The following KCNH1 variants were observed in gnomAD, a reference collection of about 807,000 sequenced individuals.
KCNH1 encodes the protein potassium voltage-gated channel subfamily H member 1, also known as voltage-gated delayed rectifier potassium channel KCNH1.
A neutral mutation model predicts 69.2 loss-of-function variants in KCNH1; 27 were observed. That is an observed-to-expected ratio of 0.39 (90% confidence interval 0.29 to 0.54). The LOEUF (loss-of-function observed/expected upper bound fraction) is 0.54, where lower values mean the gene tolerates loss of function less well. KCNH1 is among the 20% of genes least tolerant of loss of function. The probability of loss-of-function intolerance (pLI) is 0.68; values close to 1 mark genes in which losing one functional copy is unlikely to be tolerated. For synonymous variants in KCNH1, 456 were observed against 487.7 expected (o/e 0.93, Z 0.86); for missense variants, 798 against 1,261.6 (o/e 0.63, Z 5.57).
At chr1:210,862,192 T>C (rs1558501652) in intron 7 of KCNH1, 4 of 1,289,916 alleles carry the variant, frequency 3.1e-6, no homozygotes, top group East Asian at 2.3e-5. Context: ...ATTCAGAGAT[T>C]TGTGTGCTTC....
intron 10 of KCNH1, among the ~76,000 whole-genome samples, chr1:210,734,161 T>C (rs2149032947): frequency 6.6e-6 from 1 of 152,296 alleles, no homozygotes; most frequent in East Asian, 1.9e-4. Context: ...TACATTGAAT[T>C]CCAAATGATT....
intron 7 of KCNH1, among the ~76,000 whole-genome samples, chr1:210,886,911 CTA>C (rs1686622104): frequency 6.6e-6 from 1 of 152,010 alleles, no homozygotes; most frequent in Non-Finnish European, 1.5e-5. Context: ...AAGACAAAAC[CTA>C]TGTTTGATTG....
intron 9 of KCNH1, among the ~76,000 whole-genome samples, chr1:210,790,115 T>C (rs17260816): frequency 0.17 from 26,638 of 152,244 alleles, 3,090 homozygotes; most frequent in Non-Finnish European, 0.26. Context: ...TGCTCTGAAA[T>C]ACTTGGTCAT....
At chr1:211,069,044 T>A in intron 5 of KCNH1, among the ~76,000 whole-genome samples, 1 of 152,334 alleles carries the variant, frequency 6.6e-6, no homozygotes, top group East Asian at 1.9e-4. Flanking sequence ...AAGGGAACCA[T>A]GTTTATATAC....
intron 7 of KCNH1, among the ~76,000 whole-genome samples, chr1:210,887,354 T>C (rs1686636035): frequency 6.6e-6 from 1 of 152,130 alleles, no homozygotes; most frequent in South Asian, 2.1e-4. Flanking sequence ...CTGAGAGATT[T>C]TGTTACCACC....
At chr1:210,947,858 A>G (rs746129439) in intron 6 of KCNH1, among the ~76,000 whole-genome samples, 7 of 152,164 alleles carry the variant, frequency 4.6e-5, no homozygotes, top group Non-Finnish European at 1.0e-4. Context: ...AATCACTATG[A>G]AAGTTCCATG....
rs1484672070 is a variant in KCNH1, at chr1:210,846,460, A to AC, written c.1463-42295_1463-42294insG. ...AACCATCTGATCTTTGACAAACCTG[A>AC]GAAAAACAAGCAATGGGGAAAGGAT... On this transcript the variant is annotated intron_variant, in intron 7 of 10. Coordinates refer to ENST00000271751, the MANE Select transcript of KCNH1 (RefSeq NM_172362.3). Among the ~76,000 whole-genome samples, 25 of 152,274 alleles carry AC rather than the reference A, an allele frequency of 1.6e-4. 1 individual carries two copies. The South Asian group carries it at 4.8e-3, about 29-fold the overall frequency.
At chr1:210,904,636 C>G (rs1007872329) in intron 7 of KCNH1, among the ~76,000 whole-genome samples, 14 of 152,218 alleles carry the variant, frequency 9.2e-5, no homozygotes, top group African/African-American at 3.4e-4. Flanking sequence ...GGTTAGACAA[C>G]TTCTAGACAA....
intron 5 of KCNH1, among the ~76,000 whole-genome samples, chr1:211,059,274 C>T (rs1690377085): frequency 1.4e-5 from 2 of 144,416 alleles, no homozygotes; most frequent in Middle Eastern, 3.4e-3. Flanking sequence ...AGCGAGACTC[C>T]ATCTCAAAAA....
chr1:210,874,471 A>G (rs1474219586), intron 7 of KCNH1, among the ~76,000 whole-genome samples: 1 of 152,228 alleles, frequency 6.6e-6, no homozygotes, highest in Non-Finnish European at 1.5e-5. Flanking sequence ...TTTCTTCTGT[A>G]TATACTCCAG....
chr1:210,759,080 T>A (rs1683457847), intron 10 of KCNH1, among the ~76,000 whole-genome samples: 1 of 151,730 alleles, frequency 6.6e-6, no homozygotes, highest in South Asian at 2.1e-4. Context: ...ATGCACAATA[T>A]ATACCACAGT....
intron 10 of KCNH1, among the ~76,000 whole-genome samples, chr1:210,727,264 C>A (rs927787991): frequency 6.6e-6 from 1 of 152,214 alleles, no homozygotes; most frequent in African/African-American, 2.4e-5. Flanking sequence ...AAGGCATATT[C>A]CCACTAAGTC....
chr1:211,070,423 A>AC (rs200392925), intron 5 of KCNH1, among the ~76,000 whole-genome samples: 13,413 of 103,050 alleles, frequency 0.13, 906 homozygotes, highest in South Asian at 0.23. Context: ...ACCTTTAAAA[A>AC]AAAAAAAACA....
At chr1:210,874,646 C>A (rs1043472920) in intron 7 of KCNH1, among the ~76,000 whole-genome samples, 1 of 151,988 alleles carries the variant, frequency 6.6e-6, no homozygotes, top group Non-Finnish European at 1.5e-5. Context: ...TGTGCAGAAC[C>A]ATGTCAGGCA....
At position 210,982,000 on chromosome 1, in the gene KCNH1, T is replaced by C. The variant is rs947798106; in HGVS notation, c.1032+36783A>G. 6.6e-5 allele frequency among the ~76,000 whole-genome samples: 10 copies of C among 151,828 alleles called. No individual in the cohort carries two copies. In the South Asian group the frequency reaches 8.3e-4, roughly 13 times the overall value. On this transcript the variant is annotated intron_variant, in intron 6 of 10. Transcript: ENST00000271751. The stretch of plus-strand genomic sequence containing the variant: ...ATACCAAAAGCAAACTTAATCTTAA[T>C]CCTCCCCCTCCCAAAAACATGGCTC...
At chr1:210,929,632 C>T (rs1234175226) in intron 6 of KCNH1, among the ~76,000 whole-genome samples, 1 of 152,108 alleles carries the variant, frequency 6.6e-6, no homozygotes, top group East Asian at 1.9e-4. Context: ...ACAAGGTTGC[C>T]CACTTTCGCC....
intron 7 of KCNH1, among the ~76,000 whole-genome samples, chr1:210,841,831 C>T (rs1685419606): frequency 6.6e-6 from 1 of 152,086 alleles, no homozygotes; most frequent in Non-Finnish European, 1.5e-5. Flanking sequence ...TACTACTGGA[C>T]TAAAGCAGTA....
Position 211,050,260 on chromosome 1 carries a change from TAAAAAA to T in KCNH1, c.559-31010_559-31005del, listed in dbSNP as rs747498526. ...AGGACAAACTCAGCCCACACATTCT[TAAAAAA>T]AAAAAAAAAAAAAAAAAAAAAAAAG... On this transcript the variant is annotated intron_variant, in intron 5 of 10. Coordinates refer to ENST00000271751, the MANE Select transcript of KCNH1 (RefSeq NM_172362.3). Among the ~76,000 whole-genome samples the T allele has an allele frequency of 1.6e-3, 93 of 58,566 alleles. 2 individuals are homozygous for T. In the East Asian group the frequency reaches 0.024, roughly 15 times the overall value. The allele number at this position is 58,566 out of a possible 152,430, so 38.4% of individuals were successfully genotyped here.
chr1:211,031,986 T>C (rs947764980), intron 5 of KCNH1, among the ~76,000 whole-genome samples: 2 of 151,434 alleles, frequency 1.3e-5, no homozygotes, highest in Non-Finnish European at 1.5e-5. Flanking sequence ...TGTTTGCAGA[T>C]GACATGATTG....
Sources: allele counts gnomAD v4.1 joint callset (sites outside exome capture counted in the v4.1 genomes callset), GRCh38; gene constraint gnomAD v4.1.1; transcripts MANE v1.5; gene names NCBI Gene and HGNC (gene_info 2026-07-23, HGNC 2026-07-21).